NRG3: variants seen among roughly 807,000 people sequenced by gnomAD.
NRG3 encodes the protein pro-neuregulin-3, membrane-bound isoform.
In NRG3, 31 loss-of-function variants were observed where a neutral mutation model predicts 66.9. The observed-to-expected ratio is 0.46, with a 90% CI of 0.35 to 0.63. The LOEUF (loss-of-function observed/expected upper bound fraction) is 0.63. Among genes scored for constraint, NRG3 ranks in the 20% least tolerant of loss-of-function variants. The pLI is 0.00. For missense variants in NRG3, 910 were observed against 878.9 expected, an observed-to-expected ratio of 1.04 and a Z score of -0.45; for synonymous variants, 393 against 359.4, an observed-to-expected ratio of 1.09 and a Z score of -1.06.
At chr10:82,489,687 A>G (rs932192335) in intron 2 of NRG3, among the ~76,000 whole-genome samples, 2 of 152,210 alleles carry the variant, frequency 1.3e-5, no homozygotes, top group African/African-American at 4.8e-5. Flanking sequence ...TAGAGCAAAC[A>G]AAACAAATGA....
At chr10:82,360,094 T>C (rs1177917307) in intron 2 of NRG3, among the ~76,000 whole-genome samples, 2 of 152,220 alleles carry the variant, frequency 1.3e-5, no homozygotes, top group South Asian at 2.1e-4. Flanking sequence ...TGTTCATATA[T>C]GACTTTGGCA....
At chr10:82,627,706 G>A (rs549886880) in intron 2 of NRG3, among the ~76,000 whole-genome samples, 7 of 152,154 alleles carry the variant, frequency 4.6e-5, no homozygotes, top group Non-Finnish European at 1.0e-4. Flanking sequence ...GTGCCAAATG[G>A]ACTCTCACAT....
chr10:82,662,073 A>G (rs966076407), intron 2 of NRG3, among the ~76,000 whole-genome samples: 11 of 152,188 alleles, frequency 7.2e-5, no homozygotes, highest in Admixed American at 5.2e-4. Context: ...TGCCCCTGCC[A>G]TTGTTGGCGA....
chr10:82,485,520 G>T (rs1281150447), intron 2 of NRG3, among the ~76,000 whole-genome samples: 4 of 149,656 alleles, frequency 2.7e-5, no homozygotes, highest in Admixed American at 6.7e-5. Flanking sequence ...AATCTAATCA[G>T]AAATGGGCCA....
At chr10:82,682,811 T>C (rs1399380003) in intron 2 of NRG3, among the ~76,000 whole-genome samples, 1 of 152,152 alleles carries the variant, frequency 6.6e-6, no homozygotes. Context: ...ATGTAATCTA[T>C]GATTTCTAGC....
chr10:82,862,815 T>G (rs1450174218), intron 3 of NRG3, among the ~76,000 whole-genome samples: 1 of 152,194 alleles, frequency 6.6e-6, no homozygotes, highest in Non-Finnish European at 1.5e-5. Flanking sequence ...TCTTGCCAAA[T>G]TTTCTACAAA....
intron 2 of NRG3, among the ~76,000 whole-genome samples, chr10:82,561,326 A>G (rs1229954732): frequency 2.6e-5 from 4 of 152,144 alleles, no homozygotes; most frequent in Non-Finnish European, 5.9e-5. Flanking sequence ...AATTTACAGT[A>G]TGCCATCATT....
intron 2 of NRG3, among the ~76,000 whole-genome samples, chr10:82,485,459 G>A (rs1842608576): frequency 6.7e-6 from 1 of 148,568 alleles, no homozygotes; most frequent in Non-Finnish European, 1.5e-5. Flanking sequence ...GAGATATTAG[G>A]CCATCTAGTA....
At chr10:82,336,042 G>A (rs1220860312) in intron 1 of NRG3, among the ~76,000 whole-genome samples, 1 of 152,154 alleles carries the variant, frequency 6.6e-6, no homozygotes, top group Non-Finnish European at 1.5e-5. Flanking sequence ...GATGAGCTCA[G>A]CACTGTTTCA....
At chr10:82,135,748 T>A (rs1277635244) in intron 1 of NRG3, among the ~76,000 whole-genome samples, 1 of 152,180 alleles carries the variant, frequency 6.6e-6, no homozygotes, top group African/African-American at 2.4e-5. Flanking sequence ...TCTTTGTATT[T>A]TCTTGAATTT....
At chr10:82,036,527 T>C (rs2062799305) in intron 1 of NRG3, among the ~76,000 whole-genome samples, 1 of 152,174 alleles carries the variant, frequency 6.6e-6, no homozygotes, top group East Asian at 1.9e-4. Context: ...AAGCTTATGC[T>C]TTATGTTATA....
intron 1 of NRG3, among the ~76,000 whole-genome samples, chr10:82,049,725 T>C (rs890592031): frequency 3.3e-5 from 5 of 152,118 alleles, no homozygotes; most frequent in African/African-American, 7.2e-5. Flanking sequence ...CTGCATCCAA[T>C]TGGATGCTGG....
At chr10:82,263,772 A>C (rs984165928) in intron 1 of NRG3, among the ~76,000 whole-genome samples, 3 of 152,188 alleles carry the variant, frequency 2.0e-5, no homozygotes, top group African/African-American at 7.2e-5. Flanking sequence ...AAGAAACTCC[A>C]AGAGCACTAG....
chr10:82,945,049 G>C (rs1350057795), intron 4 of NRG3, among the ~76,000 whole-genome samples: 6 of 152,124 alleles, frequency 3.9e-5, no homozygotes, highest in Non-Finnish European at 7.3e-5. Flanking sequence ...GCTGACCCTG[G>C]AAGCTTCTGC....
At chr10:82,154,493 A>G (rs1440297484) in intron 1 of NRG3, among the ~76,000 whole-genome samples, 11 of 150,972 alleles carry the variant, frequency 7.3e-5, no homozygotes, top group Non-Finnish European at 8.9e-5. Flanking sequence ...TATATTTTGA[A>G]ATCAGGAGTG....
Position 82,362,545 on chromosome 10 carries a change from TGGG to T in NRG3, c.953+3678_953+3680del, listed in dbSNP as rs1564840123. The stretch of plus-strand genomic sequence containing the variant: ...CTCACCACCATGCCCAGATAATTTC[TGGG>T]TTTTTTTTTTTTTTTTTTTTTCGTA... On this transcript the variant is annotated intron_variant, in intron 2 of 8. Coordinates refer to ENST00000372141, the MANE Select transcript of NRG3 (RefSeq NM_001010848.4). Among the ~76,000 whole-genome samples the T allele has an allele frequency of 5.1e-4, 42 of 81,738 alleles. 1 individual carries two copies. The highest frequency in any genetic ancestry group is 2.4e-3 in the East Asian group (6 of 2,464). The allele number at this position is 81,738 out of a possible 152,430, so 53.6% of individuals were successfully genotyped here. A position where few individuals can be genotyped will look rare whatever the true frequency, so the allele number is the denominator to read the frequency against.
At chr10:82,671,775 A>C (rs1397893775) in intron 2 of NRG3, among the ~76,000 whole-genome samples, 1 of 152,248 alleles carries the variant, frequency 6.6e-6, no homozygotes, top group Non-Finnish European at 1.5e-5. Context: ...AGAATTAGGG[A>C]TGCTCCAATG....
Position 82,291,383 on chromosome 10 carries a change from C to T in NRG3, c.824-67356C>T, listed in dbSNP as rs142782558. ...TGGAGAGACATATGGTGTTCATGTA[C>T]TGGAAGTCTCACATAGTAAAGATGT... On this transcript the variant is annotated intron_variant, in intron 1 of 8. Transcript: ENST00000372141. Among the ~76,000 whole-genome samples the T allele has an allele frequency of 4.7e-3, 722 of 152,246 alleles. 6 individuals carry two copies. The highest frequency in any genetic ancestry group is 0.017 in the African/African-American group (692 of 41,552).
At chr10:82,887,447 G>C (rs1024546399) in intron 4 of NRG3, among the ~76,000 whole-genome samples, 4 of 152,202 alleles carry the variant, frequency 2.6e-5, no homozygotes, top group Admixed American at 1.3e-4. Context: ...CTGCTGTATA[G>C]AGCAAATTGT....
Sources: gnomAD v4.1 joint callset for allele counts (sites outside exome capture counted in the v4.1 genomes callset) on GRCh38, gnomAD v4.1.1 for gene constraint, MANE v1.5 for transcripts, NCBI Gene and HGNC (gene_info 2026-07-23, HGNC 2026-07-21) for gene names.